Variants in CXCL13 observed in about 807,000 individuals in gnomAD.
CXCL13 encodes the protein C-X-C motif chemokine 13.
CXCL13 carries 7 observed loss-of-function variants against 12.2 expected under a neutral mutation model. The ratio of observed to expected loss-of-function variants is 0.57; its 90% confidence interval spans 0.33 to 1.07. The LOEUF (loss-of-function observed/expected upper bound fraction) is 1.07. CXCL13 is among the 50% of genes least tolerant of loss of function. The probability of loss-of-function intolerance (pLI) is 0.04; values close to 1 mark genes in which losing one functional copy is unlikely to be tolerated. For missense variants in CXCL13, 113 were observed against 127.4 expected (o/e 0.89, Z 0.55); for synonymous variants, 47 against 42.4 (o/e 1.11, Z -0.42).
chr4:77,588,810 A>G (rs140111952), intron 1 of CXCL13, among the ~76,000 whole-genome samples: 1 of 152,310 alleles, frequency 6.6e-6, no homozygotes, highest in Middle Eastern at 3.4e-3. Flanking sequence ...ACGAGAACAA[A>G]GCTGAACTCT....
intron 1 of CXCL13, among the ~76,000 whole-genome samples, chr4:77,580,295 A>G (rs1726289020): frequency 1.7e-5 from 2 of 120,154 alleles, no homozygotes; most frequent in African/African-American, 3.0e-5. Flanking sequence ...TTTTAAAAAG[A>G]CAAGTTTTCT....
rs532348170 is a variant in CXCL13 at position 77,567,290 on chromosome 4, C to T, written c.-42-38534C>T. On this transcript the variant is annotated intron_variant, in intron 1 of 4. Coordinates refer to the CXCL13 transcript ENST00000286758. Reference sequence around the variant, plus strand: ...GCTGACTCTCTTTTCAGACTCAGCCCACTTGCACCCAGGTGATTAAAAAGT... The same window carrying T: ...GCTGACTCTCTTTTCAGACTCAGCCTACTTGCACCCAGGTGATTAAAAAGT... Among the ~76,000 whole-genome samples the T allele has an allele frequency of 3.3e-3, 509 of 152,288 alleles. 15 individuals carry two copies. The highest frequency in any genetic ancestry group is 9.6e-4 in the East Asian group (5 of 5,184).
intron 1 of CXCL13, among the ~76,000 whole-genome samples, chr4:77,576,277 T>A (rs1364088645): frequency 6.6e-6 from 1 of 152,236 alleles, no homozygotes; most frequent in Non-Finnish European, 1.5e-5. Context: ...GGAACATTGC[T>A]GATCCTTGCT....
At chr4:77,553,602 G>T (rs1390853802) in intron 1 of CXCL13, among the ~76,000 whole-genome samples, 2 of 152,170 alleles carry the variant, frequency 1.3e-5, no homozygotes, top group Non-Finnish European at 2.9e-5. Context: ...TTGTGTACTG[G>T]TGCTTCACTC....
chr4:77,537,657 T>C (rs894836348), intron 1 of CXCL13, among the ~76,000 whole-genome samples: 13 of 152,196 alleles, frequency 8.5e-5, no homozygotes, highest in African/African-American at 1.7e-4. Context: ...ATAGCAATTT[T>C]GTTTGGTTTT....
At chr4:77,521,882 A>T (rs1040553618) in intron 1 of CXCL13, among the ~76,000 whole-genome samples, 1 of 152,124 alleles carries the variant, frequency 6.6e-6, no homozygotes, top group Non-Finnish European at 1.5e-5. Flanking sequence ...ACTGCTTTAA[A>T]TGTGTCCCAG....
At chr4:77,550,337 G>C (rs1005881731) in intron 1 of CXCL13, among the ~76,000 whole-genome samples, 2 of 152,136 alleles carry the variant, frequency 1.3e-5, no homozygotes, top group African/African-American at 4.8e-5. Flanking sequence ...CTTACACTCA[G>C]TGGGCTGCTC....
chr4:77,517,411 A>G (rs1724452516), intron 1 of CXCL13, among the ~76,000 whole-genome samples: 1 of 152,116 alleles, frequency 6.6e-6, no homozygotes, highest in South Asian at 2.1e-4. Context: ...GTGGGGTGTT[A>G]AAGTCTCCCA....
At chr4:77,552,527 G>A (rs185400979) in intron 1 of CXCL13, among the ~76,000 whole-genome samples, 2 of 152,330 alleles carry the variant, frequency 1.3e-5, no homozygotes, top group East Asian at 3.9e-4. Flanking sequence ...CAGGAAATGG[G>A]CTTATTTATG....
upstream of CXCL13, among the ~76,000 whole-genome samples, chr4:77,603,881 T>G (rs1209728574): frequency 6.6e-6 from 1 of 152,200 alleles, no homozygotes; most frequent in Non-Finnish European, 1.5e-5. Context: ...GGTGCTTTCT[T>G]CTCCAAACAA....
chr4:77,548,604 C>T (rs369474337), intron 1 of CXCL13, among the ~76,000 whole-genome samples: 7 of 152,236 alleles, frequency 4.6e-5, no homozygotes, highest in South Asian at 2.1e-4. Flanking sequence ...GAGTACTAAC[C>T]GAATTCCTCG....
intron 1 of CXCL13, among the ~76,000 whole-genome samples, chr4:77,534,619 T>C (rs1410450368): frequency 6.6e-6 from 1 of 152,252 alleles, no homozygotes; most frequent in Non-Finnish European, 1.5e-5. Context: ...AATATGAATC[T>C]ACAATGATCT....
intron 1 of CXCL13, among the ~76,000 whole-genome samples, chr4:77,579,252 T>C (rs185369578): frequency 1.3e-5 from 2 of 152,334 alleles, no homozygotes; most frequent in East Asian, 3.9e-4. Flanking sequence ...TGTCAATTTA[T>C]ACAAACAAAA....
At chr4:77,513,286 G>A (rs376453389) in intron 1 of CXCL13, among the ~76,000 whole-genome samples, 12 of 151,944 alleles carry the variant, frequency 7.9e-5, no homozygotes, top group African/African-American at 2.7e-4. Context: ...TAATCCTTTG[G>A]GCATATACCC....
Position 77,611,021 on chromosome 4 carries a change from T to G in CXCL13, c.312T>G (p.Phe104Leu). Residue 104 changes from phenylalanine (F) to leucine (L), a missense_variant, in exon 4 of 4, where the codon TTT (phenylalanine) becomes TTG (leucine). By Grantham distance (22) the Phe-to-Leu change is conservative. Coordinates refer to ENST00000682537, the MANE Select transcript of CXCL13 (RefSeq NM_001371558.1). ...CTTCAACTCTACCAGTTCCAGTGTT[T>G]AAGAGAAAGATTCCCTGATGCTGAT... ...RSSSTLPVPV[F>L]KRKIP 1 of 1,611,336 alleles carries G rather than the reference T, an allele frequency of 6.2e-7. No homozygotes were observed. Among genetic ancestry groups the G allele is most frequent in the Non-Finnish European group, 8.5e-7 (1 of 1,179,518 alleles).
intron 1 of CXCL13, among the ~76,000 whole-genome samples, chr4:77,558,377 G>A (rs1332018907): frequency 5.3e-5 from 8 of 151,776 alleles, no homozygotes; most frequent in Admixed American, 1.3e-4. Context: ...TTTTTTTAAG[G>A]AGTCTCCCTG....
chr4:77,558,734 C>T (rs915322951), intron 1 of CXCL13, among the ~76,000 whole-genome samples: 7 of 152,196 alleles, frequency 4.6e-5, no homozygotes, highest in Admixed American at 2.0e-4. Context: ...TCCCATACCA[C>T]GTGTCAGGGT....
At position 77,522,514 on chromosome 4, in the gene CXCL13, CTTTTTTTTTTTTTT is replaced by C. The variant is rs777857811; in HGVS notation, c.-43+10743_-43+10756del. Among the ~76,000 whole-genome samples, 12 of 10,070 alleles carry C rather than the reference CTTTTTTTTTTTTTT, an allele frequency of 1.2e-3. 1 individual carries two copies. The highest frequency in any genetic ancestry group is 0.011 in the South Asian group (3 of 276). 6.6% of individuals were successfully genotyped at this position (10,070 alleles called of 152,430 possible). ...TCAGAGACTAGGACTGCAACCCCTGCTTTTTTTTTTTTTTTTTTTTTTTTTTTTTTGCTTTCCAT... is the reference window on the plus strand; with the variant it reads ...TCAGAGACTAGGACTGCAACCCCTGCTTTTTTTTTTTTTTTTGCTTTCCAT... On this transcript the variant is annotated intron_variant, in intron 1 of 4. Transcript: ENST00000286758.
intron 1 of CXCL13, among the ~76,000 whole-genome samples, chr4:77,589,210 T>TAAAC (rs60799245): frequency 0.3 from 45,871 of 151,882 alleles, 7,618 homozygotes; most frequent in Middle Eastern, 0.47. Flanking sequence ...ATTACAGAAA[T>TAAAC]AATTCATAAG....
Sources: allele counts gnomAD v4.1 joint callset (sites outside exome capture counted in the v4.1 genomes callset), GRCh38; gene constraint gnomAD v4.1.1; transcripts MANE v1.5; gene names NCBI Gene and HGNC (gene_info 2026-07-23, HGNC 2026-07-21).